Variants in MAOB observed in about 807,000 individuals in gnomAD.
MAOB encodes the protein amine oxidase [flavin-containing] B.
A neutral mutation model predicts 41.9 loss-of-function variants in MAOB; 15 were observed. The ratio of observed to expected loss-of-function variants is 0.36; its 90% confidence interval spans 0.24 to 0.55. The LOEUF is 0.55. MAOB is among the 20% of genes least tolerant of loss of function. The pLI, the probability that MAOB is intolerant of heterozygous loss-of-function variation, is 0.86. For synonymous variants in MAOB, 167 were observed against 144.2 expected (o/e 1.16, Z -1.13); for missense variants, 345 against 398.7 (o/e 0.87, Z 1.15).
intron 3 of MAOB, among the ~76,000 whole-genome samples, chrX:43,832,115 T>A (rs1456178522): frequency 1.8e-5 from 2 of 111,795 alleles, no homozygotes; most frequent in Non-Finnish European, 3.8e-5. Flanking sequence ...TATGACAAAA[T>A]TTCCAATTGT....
At chrX:43,878,465 G>A (rs773462347) in intron 1 of MAOB, among the ~76,000 whole-genome samples, 4 of 107,266 alleles carry the variant, frequency 3.7e-5, no homozygotes, top group Admixed American at 2.0e-4. Context: ...GTCTCATTAC[G>A]TTGCCAGGGC....
Position 43,767,457 on chromosome X carries a change from C to A in MAOB, c.*9G>T. On this transcript the variant is annotated 3_prime_UTR_variant, in exon 15 of 15. Transcript: ENST00000378069. Reference sequence around the variant, plus strand: ...AAGAAGAGAGTGTGATTACAGACACCCTCTCTCTTTAGACTCTCACAAGTA... The same window carrying A: ...AAGAAGAGAGTGTGATTACAGACACACTCTCTCTTTAGACTCTCACAAGTA... The A allele has an allele frequency of 1.7e-6, 2 of 1,200,087 alleles. No individual in the cohort carries two copies. The highest frequency in any genetic ancestry group is 3.6e-5 in the South Asian group (2 of 55,445).
intron 5 of MAOB, 113 bp downstream of exon 5, chrX:43,802,059 T>A: frequency 1.7e-6 from 1 of 577,205 alleles, no homozygotes. Flanking sequence ...CACTGGCTGG[T>A]GGTGTGGTTT....
At chrX:43,838,746 T>C in intron 3 of MAOB, 122 bp downstream of exon 3, 1 of 713,371 alleles carries the variant, frequency 1.4e-6, no homozygotes, top group Non-Finnish European at 1.9e-6. Context: ...TGAAATACCA[T>C]TATAAAATAC....
chrX:43,854,898 G>C lies in MAOB; in HGVS notation c.47-11134C>G, dbSNP rs747143307. 1.1e-3 allele frequency among the ~76,000 whole-genome samples: 128 copies of C among 111,724 alleles called. 1 individual carries two copies. The highest frequency in any genetic ancestry group is 2.0e-3 in the Non-Finnish European group (107 of 53,163). On this transcript the variant is annotated intron_variant, in intron 1 of 14. Transcript: ENST00000378069. ...ACAAATTCTGTAGCATTTTTGAAGT[G>C]TACAACTCTACTTTAAAATTCAATG... is the stretch of plus-strand genomic sequence containing the variant.
intron 11 of MAOB, among the ~76,000 whole-genome samples, chrX:43,777,218 T>C (rs895112313): frequency 9.0e-6 from 1 of 111,728 alleles, no homozygotes; most frequent in Non-Finnish European, 1.9e-5. Flanking sequence ...CAAAGGATTA[T>C]AAATCATGCT....
At chrX:43,857,832 G>A (rs1177024905) in intron 1 of MAOB, among the ~76,000 whole-genome samples, 1 of 111,980 alleles carries the variant, frequency 8.9e-6, no homozygotes, top group Non-Finnish European at 1.9e-5. Context: ...AGAATAGTAG[G>A]TAAAGTGTGA....
chrX:43,880,136 C>T (rs2035464216), intron 1 of MAOB, among the ~76,000 whole-genome samples: 2 of 111,979 alleles, frequency 1.8e-5, no homozygotes, highest in South Asian at 3.8e-4. Context: ...TTGTGAGGGC[C>T]CCAGGAACAA....
chrX:43,840,893 GTT>G (rs749492144), intron 2 of MAOB, among the ~76,000 whole-genome samples: 1,592 of 92,068 alleles, frequency 0.017, 60 homozygotes, highest in African/African-American at 0.06. Context: ...AGCTGCAGGA[GTT>G]TTTTTTTTTT....
intron 2 of MAOB, among the ~76,000 whole-genome samples, chrX:43,843,355 TCTCACACA>T (rs1451997861): frequency 5.4e-4 from 40 of 74,540 alleles, no homozygotes; most frequent in Admixed American, 1.9e-3. Context: ...TCTCTCTCTG[TCTCACACA>T]CACACACACA....
intron 8 of MAOB, among the ~76,000 whole-genome samples, chrX:43,792,609 C>A (rs1569213955): frequency 8.9e-6 from 1 of 111,876 alleles, no homozygotes; most frequent in Non-Finnish European, 1.9e-5. Context: ...TACTAATCAT[C>A]AGATAAATGC....
rs181555059 is a variant in MAOB, at chrX:43,849,201, T to C, written c.47-5437A>G. Reference sequence around the variant, plus strand: ...GTGTGCCAGCTGCTATTCTATGTGTTTTAAGAACTTATTTATCCTCCCAAT... The same window carrying C: ...GTGTGCCAGCTGCTATTCTATGTGTCTTAAGAACTTATTTATCCTCCCAAT... On this transcript the variant is annotated intron_variant, in intron 1 of 14. Transcript: ENST00000378069. 3.6e-5 allele frequency among the ~76,000 whole-genome samples: 4 copies of C among 111,502 alleles called. No individual in the cohort carries two copies. The Admixed American group carries it at 3.8e-4, about 11-fold the overall frequency.
At chrX:43,830,885 C>A (rs1220708365) in intron 3 of MAOB, among the ~76,000 whole-genome samples, 1 of 111,637 alleles carries the variant, frequency 9.0e-6, no homozygotes, top group Non-Finnish European at 1.9e-5. Context: ...TTTCTTTAAA[C>A]CTCAGAATAC....
Position 43,767,356 on chromosome X carries a change from C to T in MAOB, c.*110G>A. 1.3e-6 allele frequency: 1 copy of T among 761,140 alleles called. No individual in the cohort carries two copies. The highest frequency in any genetic ancestry group is 1.9e-6 in the Non-Finnish European group (1 of 535,235). The allele number at this position is 761,140 out of a possible 1,213,427, so 62.7% of individuals were successfully genotyped here. On this transcript the variant is annotated 3_prime_UTR_variant, in exon 15 of 15. Transcript: ENST00000378069. ...AGAGTTGGATTTATCTTCATGCTCCCCGCCTCACTCCACACTATTTGTCTT... is the reference window on the plus strand; with the variant it reads ...AGAGTTGGATTTATCTTCATGCTCCTCGCCTCACTCCACACTATTTGTCTT...
intron 1 of MAOB, among the ~76,000 whole-genome samples, chrX:43,870,098 G>T (rs1400070301): frequency 8.9e-6 from 1 of 112,252 alleles, no homozygotes; most frequent in Non-Finnish European, 1.9e-5. Flanking sequence ...AAGAATAGAG[G>T]TGTGTGCCAA....
At chrX:43,821,197 A>G (rs1403515644) in intron 3 of MAOB, among the ~76,000 whole-genome samples, 1 of 112,142 alleles carries the variant, frequency 8.9e-6, no homozygotes, top group Non-Finnish European at 1.9e-5. Flanking sequence ...ACTTTGTAGA[A>G]GAAAGCTCAG....
intron 3 of MAOB, among the ~76,000 whole-genome samples, chrX:43,834,112 G>A (rs959442140): frequency 1.2e-4 from 14 of 112,292 alleles, no homozygotes; most frequent in African/African-American, 4.2e-4. Context: ...GTGGGTGGAA[G>A]TGGTAGAAAA....
intron 5 of MAOB, among the ~76,000 whole-genome samples, chrX:43,798,980 C>T (rs1281139316): frequency 1.8e-5 from 2 of 111,649 alleles, no homozygotes; most frequent in Non-Finnish European, 3.8e-5. Context: ...GCTTTTGATA[C>T]CTCAAAATGT....
intron 2 of MAOB, among the ~76,000 whole-genome samples, chrX:43,841,973 G>T (rs1031930348): frequency 9.0e-6 from 1 of 111,670 alleles, no homozygotes; most frequent in Non-Finnish European, 1.9e-5. Context: ...AAAATTACTT[G>T]AAGAAAACAA....
Sources: allele counts gnomAD v4.1 joint callset (sites outside exome capture counted in the v4.1 genomes callset), GRCh38; gene constraint gnomAD v4.1.1; transcripts MANE v1.5; gene names NCBI Gene and HGNC (gene_info 2026-07-23, HGNC 2026-07-21).